Variants in FANCM observed in about 807,000 individuals in gnomAD.
FANCM encodes the protein FA complementation group M, also known as Fanconi anemia group M protein.
FANCM carries 140 observed loss-of-function variants against 199.5 expected under a neutral mutation model. The ratio of observed to expected loss-of-function variants is 0.70; its 90% CI spans 0.61 to 0.81. FANCM has a LOEUF of 0.81. FANCM is among the 30% of genes least tolerant of loss of function. The pLI is 0.00. For missense variants in FANCM, 2,410 were observed against 2,421.4 expected, an observed-to-expected ratio of 1.00 and a Z score of 0.10; for synonymous variants, 840 against 836.8, an observed-to-expected ratio of 1.00 and a Z score of -0.07.
In FANCM at chr14:45,155,953, G is replaced by T. The variant is rs959542989; in HGVS notation, c.1396+494G>T. On this transcript the variant is annotated intron_variant, in intron 8 of 22. Coordinates refer to ENST00000267430, the MANE Select transcript of FANCM (RefSeq NM_020937.4). ...TGGAAGGGCTAGGGCAAGGGTGGTGGTGGGAATGTTAAGAATAAGGTACTA... is the reference window on the plus strand; with the variant it reads ...TGGAAGGGCTAGGGCAAGGGTGGTGTTGGGAATGTTAAGAATAAGGTACTA... Among the ~76,000 whole-genome samples, 4 of 152,188 alleles carry T rather than the reference G, an allele frequency of 2.6e-5. No homozygotes were observed. In the South Asian group the frequency reaches 6.2e-4, roughly 24 times the overall value.
intron 10 of FANCM, among the ~76,000 whole-genome samples, chr14:45,166,142 A>C (rs1379280996): frequency 6.6e-6 from 1 of 151,714 alleles, no homozygotes; most frequent in Non-Finnish European, 1.5e-5. Context: ...AAAAAAAAAA[A>C]AACAAAAAAA....
At chr14:45,172,486 G>GT (rs1226374406) in intron 12 of FANCM, among the ~76,000 whole-genome samples, 1 of 152,124 alleles carries the variant, frequency 6.6e-6, no homozygotes, top group Non-Finnish European at 1.5e-5. Context: ...AGTTATCCCA[G>GT]TATCATTTGG....
Position 45,148,991 on chromosome 14 carries a change from T to C in FANCM, c.914T>C (p.Ile305Thr). 3.7e-6 allele frequency: 6 copies of C among 1,612,478 alleles called. No individual in the cohort carries two copies. Among genetic ancestry groups the C allele is most frequent in the Non-Finnish European group, 5.1e-6 (6 of 1,178,644 alleles). Reference sequence around the variant, plus strand: ...CTTGCAGCCATCCAAAAGACCTATATCCAGGTAAACCATTTTTATGACATT... The same window carrying C: ...CTTGCAGCCATCCAAAAGACCTATACCCAGGTAAACCATTTTTATGACATT... ...EELAAIQKTYIQILESFARSL... is the reference protein window; with the variant it reads ...EELAAIQKTYTQILESFARSL... Residue 305 changes from isoleucine (I) to threonine (T), a missense_variant, in exon 4 of 23, where the codon ATC becomes ACC. Transcript: ENST00000267430.
At chr14:45,148,443 T>A (rs988889811) in intron 3 of FANCM, among the ~76,000 whole-genome samples, 3 of 152,294 alleles carry the variant, frequency 2.0e-5, no homozygotes, top group African/African-American at 4.8e-5. Flanking sequence ...ACATCATATA[T>A]GTTGATTTAA....
chr14:45,189,389 C>G, intron 20 of FANCM, 27 bp downstream of exon 20: 1 of 1,496,118 alleles, frequency 6.7e-7, no homozygotes, highest in East Asian at 2.3e-5. Context: ...GGAAAAATAT[C>G]TTTAGATGGT....
chr14:45,159,786 C>G (rs1284137764), intron 9 of FANCM, among the ~76,000 whole-genome samples: 1 of 152,058 alleles, frequency 6.6e-6, no homozygotes, highest in Non-Finnish European at 1.5e-5. Flanking sequence ...GCCTTATGCT[C>G]TGAGTAAGAG....
Position 45,176,573 on chromosome 14 carries a change from T to C in FANCM, c.3819T>C (p.Asn1273=). ...YLEIKEISDA[N]YVSNQALIPR... is the part of the protein sequence containing the mutation. ...AAATTAAGGAGATAAGTGATGCAAATTATGTTTCGAATCAAGCACTAATAC... is the reference window on the plus strand; with the variant it reads ...AAATTAAGGAGATAAGTGATGCAAACTATGTTTCGAATCAAGCACTAATAC... Residue 1273 remains asparagine, a synonymous_variant, in exon 14 of 23, where the codon AAT becomes AAC. Transcript: ENST00000267430. 1 of 1,604,610 alleles carries C rather than the reference T, an allele frequency of 6.2e-7. No homozygotes were observed.
intron 9 of FANCM, among the ~76,000 whole-genome samples, chr14:45,161,181 T>G (rs1887579710): frequency 6.6e-6 from 1 of 152,210 alleles, no homozygotes; most frequent in African/African-American, 2.4e-5. Context: ...TTTACTGACT[T>G]TATCATTTAC....
chr14:45,143,777 T>A (rs1566725448), intron 3 of FANCM, among the ~76,000 whole-genome samples: 1 of 144,176 alleles, frequency 6.9e-6, no homozygotes, highest in Non-Finnish European at 1.5e-5. Flanking sequence ...CACTGCAACC[T>A]CTGCCTCCCG....
intron 18 of FANCM, among the ~76,000 whole-genome samples, chr14:45,186,011 G>T (rs781704677): frequency 7.2e-5 from 11 of 152,156 alleles, no homozygotes; most frequent in Non-Finnish European, 1.3e-4. Context: ...AGATTCTCCT[G>T]CTTTAGCCTC....
At chr14:45,185,517 C>T (rs1889346683) in intron 18 of FANCM, 144 bp downstream of exon 18, 1 of 569,486 alleles carries the variant, frequency 1.8e-6, no homozygotes, top group East Asian at 2.9e-5. Flanking sequence ...CATTTTCATT[C>T]AAATTCTTTA....
intron 2 of FANCM, chr14:45,137,560 G>A (rs1254147231): frequency 9.2e-6 from 3 of 327,342 alleles, no homozygotes. Flanking sequence ...GGGTATGAAA[G>A]GAGTTTTGAA....
chr14:45,170,737 A>G lies in FANCM; in HGVS notation c.2151A>G (p.Glu717=). ...AGTTTTCTTCTTTACAAAATGAGGA[A>G]AACAAACCAGTAAGTTGAATATATT... ...QVQFSSLQNE[E]NKPAQESTTG... The change falls in exon 12 of 23, where the codon GAA becomes GAG. Residue 717 remains glutamate (E), a synonymous_variant. Transcript: ENST00000267430. 6.2e-7 allele frequency: 1 copy of G among 1,611,062 alleles called. No homozygotes were observed.
intron 2 of FANCM, among the ~76,000 whole-genome samples, chr14:45,139,158 C>T (rs138812529): frequency 7.9e-4 from 121 of 152,290 alleles, no homozygotes; most frequent in Non-Finnish European, 1.5e-3. Context: ...TCACTTCTAG[C>T]ATTAAGCTAA....
chr14:45,137,358 C>T, intron 2 of FANCM, 117 bp downstream of exon 2: 1 of 801,830 alleles, frequency 1.2e-6, no homozygotes, highest in Non-Finnish European at 2.1e-6. Context: ...GCCTTTACGT[C>T]TATTATCTCA....
rs767799451 is a variant in FANCM at position 45,136,159 on chromosome 14, C to T, written c.128C>T (p.Pro43Leu). The T allele has an allele frequency of 1.9e-6, 3 of 1,614,202 alleles. No homozygotes were observed. In the South Asian group the frequency reaches 3.3e-5, roughly 18 times the overall value. ...QSPGSSKAPLPAAAEAQLESD... is the reference protein window; with the variant it reads ...QSPGSSKAPLLAAAEAQLESD... The stretch of plus-strand genomic sequence containing the variant: ...CCTGGCAGCTCCAAGGCGCCTTTGC[C>T]AGCAGCAGCGGAGGCTCAGCTGGAG... Residue 43 changes from proline to leucine, a missense_variant, in exon 1 of 23, where the codon CCA becomes CTA. Pro to Leu is a moderately conservative substitution (Grantham distance 98). Coordinates refer to ENST00000267430, the MANE Select transcript of FANCM (RefSeq NM_020937.4).
intron 9 of FANCM, among the ~76,000 whole-genome samples, chr14:45,162,011 C>T (rs923492973): frequency 7.2e-5 from 11 of 152,128 alleles, no homozygotes; most frequent in Non-Finnish European, 1.5e-4. Flanking sequence ...GAGATAAAGG[C>T]ATATGAAGTC....
chr14:45,183,058 C>T (rs1159713733), intron 16 of FANCM, among the ~76,000 whole-genome samples: 8 of 152,056 alleles, frequency 5.3e-5, no homozygotes, highest in Non-Finnish European at 1.2e-4. Context: ...TAAGTTGAAC[C>T]ATCGTAAGTT....
intron 4 of FANCM, among the ~76,000 whole-genome samples, chr14:45,149,898 A>C (rs576468745): frequency 7.9e-5 from 12 of 152,236 alleles, no homozygotes; most frequent in African/African-American, 2.6e-4. Context: ...TATGGAGGCC[A>C]GGAATCAGCT....
Sources: allele counts gnomAD v4.1 joint callset (sites outside exome capture counted in the v4.1 genomes callset), GRCh38; gene constraint gnomAD v4.1.1; transcripts MANE v1.5; gene names NCBI Gene and HGNC (gene_info 2026-07-23, HGNC 2026-07-21).